ZFPM2: variants seen among roughly 807,000 people sequenced by gnomAD.
The protein encoded by ZFPM2 is zinc finger protein, FOG family member 2.
In ZFPM2, 20 loss-of-function variants were observed where a neutral mutation model predicts 98.6. That is an observed-to-expected ratio of 0.20 (90% CI 0.14 to 0.29). The LOEUF is 0.29. Ranked by LOEUF, ZFPM2 falls within the 10% of genes least tolerant of loss-of-function variation. ZFPM2 has a pLI of 1.00. For synonymous variants in ZFPM2, 518 were observed against 502.7 expected, an observed-to-expected ratio of 1.03 and a Z score of -0.41; for missense variants, 1,310 against 1,388.6, an observed-to-expected ratio of 0.94 and a Z score of 0.90.
At chr8:105,782,108 A>G (rs950215741) in intron 5 of ZFPM2, among the ~76,000 whole-genome samples, 5 of 152,284 alleles carry the variant, frequency 3.3e-5, no homozygotes, top group South Asian at 2.1e-4. Context: ...GAATCAATAA[A>G]AGCCACCTCA....
chr8:105,363,486 T>A (rs1586318021), intron 1 of ZFPM2, among the ~76,000 whole-genome samples: 1 of 152,166 alleles, frequency 6.6e-6, no homozygotes, highest in South Asian at 2.1e-4. Context: ...GTGCCCACCA[T>A]GTACCAAATA....
At chr8:105,554,347 C>A (rs2130673625) in intron 3 of ZFPM2, among the ~76,000 whole-genome samples, 1 of 152,272 alleles carries the variant, frequency 6.6e-6, no homozygotes, top group African/African-American at 2.4e-5. Context: ...AGGTATCTGG[C>A]AGGCAGCTGT....
chr8:105,628,616 G>T (rs1368865457), intron 4 of ZFPM2, among the ~76,000 whole-genome samples: 1 of 152,170 alleles, frequency 6.6e-6, no homozygotes, highest in Non-Finnish European at 1.5e-5. Flanking sequence ...ATGTTGGAGA[G>T]AAGCAGCTTG....
At chr8:105,329,390 T>C (rs1184464451) in intron 1 of ZFPM2, among the ~76,000 whole-genome samples, 2 of 151,860 alleles carry the variant, frequency 1.3e-5, no homozygotes, top group Non-Finnish European at 2.9e-5. Flanking sequence ...GAAGATTCAG[T>C]CTACAAACAG....
intron 3 of ZFPM2, among the ~76,000 whole-genome samples, chr8:105,554,483 G>A (rs1012233131): frequency 6.6e-6 from 1 of 152,156 alleles, no homozygotes; most frequent in African/African-American, 2.4e-5. Context: ...CTTCGGGGCT[G>A]TCCATGTTTG....
At chr8:105,396,538 G>A (rs888175840) in intron 1 of ZFPM2, among the ~76,000 whole-genome samples, 9 of 152,154 alleles carry the variant, frequency 5.9e-5, no homozygotes, top group Non-Finnish European at 1.3e-4. Context: ...AGTAATACAT[G>A]TTCAATATAG....
At chr8:105,528,112 C>T (rs2130571898) in intron 3 of ZFPM2, among the ~76,000 whole-genome samples, 1 of 152,208 alleles carries the variant, frequency 6.6e-6, no homozygotes, top group South Asian at 2.1e-4. Flanking sequence ...GAAATGGATG[C>T]AGAGGGCTGC....
chr8:105,396,052 A>C (rs1283393475), intron 1 of ZFPM2, among the ~76,000 whole-genome samples: 1 of 152,136 alleles, frequency 6.6e-6, no homozygotes, highest in Non-Finnish European at 1.5e-5. Context: ...TGTGTCTTTT[A>C]ATGTTATTTT....
At chr8:105,712,730 C>T (rs1811433741) in intron 5 of ZFPM2, among the ~76,000 whole-genome samples, 1 of 151,996 alleles carries the variant, frequency 6.6e-6, no homozygotes, top group Non-Finnish European at 1.5e-5. Flanking sequence ...TTTGGAGTCC[C>T]CAGTGTCTTT....
chr8:105,782,156 A>C (rs1318660201), intron 5 of ZFPM2, among the ~76,000 whole-genome samples: 1 of 152,222 alleles, frequency 6.6e-6, no homozygotes, highest in African/African-American at 2.4e-5. Flanking sequence ...TAATTCATGC[A>C]AAGCTTTTAG....
intron 3 of ZFPM2, among the ~76,000 whole-genome samples, chr8:105,555,875 A>G (rs1001947003): frequency 6.6e-6 from 1 of 152,188 alleles, no homozygotes; most frequent in Non-Finnish European, 1.5e-5. Context: ...AACCATTCTC[A>G]GAAAGTTATG....
chr8:105,628,810 A>G (rs1816705865), intron 4 of ZFPM2, among the ~76,000 whole-genome samples: 1 of 151,732 alleles, frequency 6.6e-6, no homozygotes, highest in South Asian at 2.1e-4. Context: ...ATGCAACCCC[A>G]TTTTTCCCAG....
chr8:105,455,214 A>G (rs922952349), intron 3 of ZFPM2, among the ~76,000 whole-genome samples: 16 of 152,232 alleles, frequency 1.1e-4, no homozygotes, highest in Admixed American at 2.0e-4. Flanking sequence ...AGCATTTCAG[A>G]TAAGAGATAC....
chr8:105,716,811 G>A (rs16873564), intron 5 of ZFPM2, among the ~76,000 whole-genome samples: 42,596 of 151,806 alleles, frequency 0.28, 6,431 homozygotes, highest in African/African-American at 0.36. Flanking sequence ...GTTTTCAAGA[G>A]TACAGCACAA....
intron 1 of ZFPM2, among the ~76,000 whole-genome samples, chr8:105,388,526 G>T (rs531268325): frequency 6.6e-6 from 1 of 152,172 alleles, no homozygotes; most frequent in Non-Finnish European, 1.5e-5. Context: ...CTTCTGGGGG[G>T]TGATGGGCAT....
At chr8:105,744,005 A>G (rs1000683584) in intron 5 of ZFPM2, among the ~76,000 whole-genome samples, 5 of 152,092 alleles carry the variant, frequency 3.3e-5, no homozygotes, top group African/African-American at 1.2e-4. Flanking sequence ...TCTTCAACCT[A>G]TGTGATCATT....
chr8:105,633,082 A>G (rs984253768), intron 4 of ZFPM2, among the ~76,000 whole-genome samples: 2 of 152,178 alleles, frequency 1.3e-5, no homozygotes, highest in East Asian at 1.9e-4. Flanking sequence ...ATGTGCTATC[A>G]TTGTTGTCAT....
chr8:105,356,591 C>G (rs1812751808), intron 1 of ZFPM2, among the ~76,000 whole-genome samples: 1 of 152,258 alleles, frequency 6.6e-6, no homozygotes, highest in African/African-American at 2.4e-5. Flanking sequence ...AATATTGACC[C>G]TTTTCACAGC....
rs115961718 is a variant in ZFPM2 at position 105,553,282 on chromosome 8, C to T, written c.302-8081C>T. Among the ~76,000 whole-genome samples the T allele has an allele frequency of 3.9e-3, 599 of 152,160 alleles. 5 individuals carry two copies. The highest frequency in any genetic ancestry group is 0.014 in the African/African-American group (575 of 41,518). The stretch of plus-strand genomic sequence containing the variant: ...CCTGTCTCAGAATAAATCCTTAAGA[C>T]CAGCCAGAATAATAAGGTAAAAGGT... On this transcript the variant is annotated intron_variant, in intron 3 of 7. Transcript: ENST00000407775.
Sources: allele counts gnomAD v4.1 joint callset (sites outside exome capture counted in the v4.1 genomes callset), GRCh38; gene constraint gnomAD v4.1.1; transcripts MANE v1.5; gene names NCBI Gene and HGNC (gene_info 2026-07-23, HGNC 2026-07-21).